The following VKORC1L1 variants were observed in gnomAD, a reference collection of about 807,000 sequenced individuals.
The protein encoded by VKORC1L1 is vitamin K epoxide reductase complex subunit 1L1.
VKORC1L1 carries 2 observed loss-of-function variants against 18.9 expected under a neutral mutation model. That is an observed-to-expected ratio of 0.11 (90% CI 0.04 to 0.33). The LOEUF (loss-of-function observed/expected upper bound fraction) is 0.33, where lower values mean the gene tolerates loss of function less well. Among genes scored for constraint, VKORC1L1 ranks in the 10% least tolerant of loss-of-function variants. VKORC1L1 has a pLI of 1.00. For synonymous variants in VKORC1L1, 96 were observed against 100.0 expected, an observed-to-expected ratio of 0.96 and a Z score of 0.24; for missense variants, 123 against 224.1, an observed-to-expected ratio of 0.55 and a Z score of 2.88.
chr7:65,881,360 G>C (rs1472846138), intron 1 of VKORC1L1, among the ~76,000 whole-genome samples: 1 of 152,194 alleles, frequency 6.6e-6, no homozygotes, highest in Non-Finnish European at 1.5e-5. Context: ...TATCTCAAGA[G>C]AGTTAATACT....
intron 1 of VKORC1L1, among the ~76,000 whole-genome samples, chr7:65,905,325 T>C (rs1789388805): frequency 6.6e-6 from 1 of 152,154 alleles, no homozygotes. Flanking sequence ...TTTTTATTTT[T>C]TTTGAGATGG....
chr7:65,900,456 T>C (rs1236744775), intron 1 of VKORC1L1, among the ~76,000 whole-genome samples: 1 of 151,930 alleles, frequency 6.6e-6, no homozygotes, highest in African/African-American at 2.4e-5. Context: ...TCATCATTCT[T>C]AATACCTTAA....
chr7:65,946,981 C>CAAAA (rs753721656), intron 1 of VKORC1L1, among the ~76,000 whole-genome samples: 12 of 134,074 alleles, frequency 9.0e-5, no homozygotes, highest in Admixed American at 3.9e-4. Flanking sequence ...AAAAAAATAC[C>CAAAA]AAAAAAAAAA....
At chr7:65,874,204 C>A (rs1474298552) in intron 1 of VKORC1L1, among the ~76,000 whole-genome samples, 2 of 152,084 alleles carry the variant, frequency 1.3e-5, no homozygotes, top group Non-Finnish European at 2.9e-5. Flanking sequence ...GAAGAAGATA[C>A]CCGCACTTAA....
At chr7:65,887,974 T>C (rs1344249723) in intron 1 of VKORC1L1, among the ~76,000 whole-genome samples, 1 of 152,254 alleles carries the variant, frequency 6.6e-6, no homozygotes, top group Non-Finnish European at 1.5e-5. Flanking sequence ...TGTTTTTGTT[T>C]TAGTTAACAT....
intron 1 of VKORC1L1, among the ~76,000 whole-genome samples, chr7:65,878,357 G>A (rs925796434): frequency 6.6e-6 from 1 of 152,018 alleles, no homozygotes; most frequent in Non-Finnish European, 1.5e-5. Context: ...TGAGGCAGGA[G>A]AATCACTTGA....
chr7:65,938,568 AAAG>A (rs1789984868), intron 1 of VKORC1L1, among the ~76,000 whole-genome samples: 1 of 152,240 alleles, frequency 6.6e-6, no homozygotes, highest in African/African-American at 2.4e-5. Context: ...CCCAGATTAA[AAAG>A]AAGATTCTTA....
chr7:65,959,428 A>T lies in VKORC1L1; in HGVS notation c.*5128A>T, dbSNP rs1200498154. The T allele has an allele frequency of 6.6e-6, 1 of 152,284 alleles. No homozygotes were observed. Among genetic ancestry groups the T allele is most frequent in the Non-Finnish European group, 1.5e-5 (1 of 68,050 alleles). The allele number at this position is 152,284 out of a possible 1,614,324, so 9.4% of individuals were successfully genotyped here. A position where few individuals can be genotyped will look rare whatever the true frequency, so the allele number is the denominator to read the frequency against. ...ATTATACTTTGACATACTGGAACAC[A>T]AAACTTGATTCCTTTGAAAAACTAA... On this transcript the variant is annotated 3_prime_UTR_variant, in exon 3 of 3. Transcript: ENST00000360768.
At chr7:65,876,434 A>G (rs1444380570) in intron 1 of VKORC1L1, among the ~76,000 whole-genome samples, 2 of 151,800 alleles carry the variant, frequency 1.3e-5, no homozygotes, top group African/African-American at 2.4e-5. Flanking sequence ...CCTGGGATGC[A>G]GAGGTTGCAG....
At chr7:65,878,778 C>T (rs113985721) in intron 1 of VKORC1L1, among the ~76,000 whole-genome samples, 26 of 151,574 alleles carry the variant, frequency 1.7e-4, no homozygotes, top group South Asian at 6.3e-4. Flanking sequence ...TGGTGGCACA[C>T]GCCTGTAGTC....
At position 65,873,747 on chromosome 7, in the gene VKORC1L1, G is replaced by T. The variant is rs1489573955; in HGVS notation, c.194+182G>T. Among the ~76,000 whole-genome samples the T allele has an allele frequency of 3.3e-5, 5 of 150,956 alleles. No individual in the cohort carries two copies. The East Asian group carries it at 9.7e-4, about 29-fold the overall frequency. ...GGCGGGGCGCTCCTGCCCGGGGGGC[G>T]GCCTGAGCCCAGGCCGCGGGGCGGA... On this transcript the variant is annotated intron_variant, in intron 1 of 2. Transcript: ENST00000360768.
At chr7:65,900,416 A>G (rs1789295752) in intron 1 of VKORC1L1, among the ~76,000 whole-genome samples, 3 of 151,370 alleles carry the variant, frequency 2.0e-5, no homozygotes, top group Admixed American at 2.0e-4. Flanking sequence ...AAGAAAATAT[A>G]GAAAAATAAA....
intron 1 of VKORC1L1, among the ~76,000 whole-genome samples, chr7:65,884,589 A>G (rs899370017): frequency 6.6e-6 from 1 of 152,194 alleles, no homozygotes; most frequent in Non-Finnish European, 1.5e-5. Context: ...GTGAGCCGAG[A>G]TCATGCCATT....
At chr7:65,917,350 A>T (rs564568751) in intron 1 of VKORC1L1, among the ~76,000 whole-genome samples, 4 of 152,090 alleles carry the variant, frequency 2.6e-5, no homozygotes, top group African/African-American at 7.2e-5. Context: ...ATGAGGGTAT[A>T]GTGTAAAGTG....
upstream of VKORC1L1, among the ~76,000 whole-genome samples, chr7:65,871,891 GTTTA>G (rs1403043484): frequency 1.3e-5 from 2 of 152,120 alleles, no homozygotes; most frequent in Non-Finnish European, 2.9e-5. Flanking sequence ...AAAGTTTATT[GTTTA>G]TTAACTGCTA....
At chr7:65,937,115 TTTG>T (rs140101281) in intron 1 of VKORC1L1, among the ~76,000 whole-genome samples, 16 of 151,938 alleles carry the variant, frequency 1.1e-4, no homozygotes, top group Admixed American at 9.2e-4. Flanking sequence ...TGGGTTTTGT[TTTG>T]TTGTTGTTGT....
chr7:65,898,270 A>C (rs544112938), intron 1 of VKORC1L1, among the ~76,000 whole-genome samples: 6 of 151,826 alleles, frequency 4.0e-5, no homozygotes, highest in East Asian at 3.9e-4. Context: ...TATTTTTAGT[A>C]GAGACGGGGT....
intron 1 of VKORC1L1, among the ~76,000 whole-genome samples, chr7:65,902,736 TG>T (rs1217420792): frequency 6.6e-6 from 1 of 152,032 alleles, no homozygotes; most frequent in Non-Finnish European, 1.5e-5. Context: ...GAGAAAATCT[TG>T]AAAGCAGGCA....
chr7:65,925,572 G>A (rs1789748271), intron 1 of VKORC1L1, among the ~76,000 whole-genome samples: 1 of 152,160 alleles, frequency 6.6e-6, no homozygotes, highest in Non-Finnish European at 1.5e-5. Flanking sequence ...TAAGCTTCTT[G>A]AGGGTAGGGG....
Sources: allele counts gnomAD v4.1 joint callset (sites outside exome capture counted in the v4.1 genomes callset), GRCh38; gene constraint gnomAD v4.1.1; transcripts MANE v1.5; gene names NCBI Gene and HGNC (gene_info 2026-07-23, HGNC 2026-07-21).